Variants in INSC observed in about 807,000 individuals in gnomAD.
The protein encoded by INSC is protein inscuteable homolog.
INSC carries 67 observed loss-of-function variants against 58.6 expected under a neutral mutation model. The ratio of observed to expected loss-of-function variants is 1.14; its 90% CI spans 0.94 to 1.40. The LOEUF (loss-of-function observed/expected upper bound fraction) is 1.40, where lower values mean the gene tolerates loss of function less well. Ranked by LOEUF, INSC falls within the 40% of genes most tolerant of loss-of-function variation. INSC has a pLI of 0.00. For synonymous variants in INSC, 262 were observed against 276.1 expected, an observed-to-expected ratio of 0.95 and a Z score of 0.51; for missense variants, 714 against 692.0, an observed-to-expected ratio of 1.03 and a Z score of -0.36.
rs533847663 is a variant in INSC, at chr11:15,234,177, C to G, written c.1171-1425C>G. 4.6e-5 allele frequency among the ~76,000 whole-genome samples: 7 copies of G among 152,322 alleles called. No individual in the cohort carries two copies. The South Asian group carries it at 1.2e-3, about 27-fold the overall frequency. Reference sequence around the variant, plus strand: ...AGGATAAAGGTTCTGGAGTATTCTCCTGTCCTTCCTCTGGCAACCCACTGT... The same window carrying G: ...AGGATAAAGGTTCTGGAGTATTCTCGTGTCCTTCCTCTGGCAACCCACTGT... On this transcript the variant is annotated intron_variant, in intron 9 of 12. Transcript: ENST00000379556.
At chr11:15,207,372 G>A (rs533130635) in intron 7 of INSC, among the ~76,000 whole-genome samples, 1 of 152,318 alleles carries the variant, frequency 6.6e-6, no homozygotes, top group African/African-American at 2.4e-5. Context: ...GTAGTTTAAT[G>A]AAAATCAATA....
chr11:15,257,214 G>T, the INSC span, among the ~76,000 whole-genome samples: 4 of 152,194 alleles, frequency 2.6e-5, no homozygotes, highest in Admixed American at 6.5e-5. Flanking sequence ...CAAGATGCAC[G>T]TATCCATTAT....
At chr11:15,214,124 C>T (rs1031150207) in intron 7 of INSC, among the ~76,000 whole-genome samples, 3 of 152,154 alleles carry the variant, frequency 2.0e-5, no homozygotes, top group African/African-American at 7.2e-5. Context: ...CTTGTCTTTG[C>T]TTCCTTGGAT....
chr11:15,254,363 G>C, the INSC span, among the ~76,000 whole-genome samples: 2 of 152,174 alleles, frequency 1.3e-5, no homozygotes, highest in Non-Finnish European at 2.9e-5. Context: ...GCTCAGGAAA[G>C]AAAAACAAAT....
At chr11:15,219,654 T>C (rs1187746377) in intron 7 of INSC, among the ~76,000 whole-genome samples, 2 of 152,132 alleles carry the variant, frequency 1.3e-5, no homozygotes, top group East Asian at 3.9e-4. Context: ...CTGGTTTGGG[T>C]CCGACTGGTA....
intron 1 of INSC, among the ~76,000 whole-genome samples, chr11:15,116,570 G>A (rs547747165): frequency 6.6e-6 from 1 of 152,254 alleles, no homozygotes; most frequent in South Asian, 2.1e-4. Context: ...CAGCTGAGTG[G>A]TGGTGTTATT....
At chr11:15,165,224 T>C (rs1469907435) in intron 2 of INSC, among the ~76,000 whole-genome samples, 1 of 152,164 alleles carries the variant, frequency 6.6e-6, no homozygotes, top group Non-Finnish European at 1.5e-5. Flanking sequence ...TGGAAAAATA[T>C]GCGCCACCAC....
chr11:15,213,715 C>T (rs1851112610), intron 7 of INSC, among the ~76,000 whole-genome samples: 1 of 152,200 alleles, frequency 6.6e-6, no homozygotes, highest in Non-Finnish European at 1.5e-5. Flanking sequence ...CACTGACTTG[C>T]CTGCCAAACT....
intron 5 of INSC, among the ~76,000 whole-genome samples, chr11:15,181,339 A>G (rs967825296): frequency 2.6e-5 from 4 of 152,258 alleles, no homozygotes; most frequent in African/African-American, 9.6e-5. Flanking sequence ...CTGGTGTTTT[A>G]GGAAATGCAA....
chr11:15,141,999 A>G (rs1448416139), intron 1 of INSC, among the ~76,000 whole-genome samples: 1 of 152,178 alleles, frequency 6.6e-6, no homozygotes, highest in Non-Finnish European at 1.5e-5. Context: ...CCCTATCACC[A>G]ACAGGACAGA....
intron 7 of INSC, among the ~76,000 whole-genome samples, chr11:15,203,225 G>A (rs984026932): frequency 6.6e-6 from 1 of 152,176 alleles, no homozygotes; most frequent in Admixed American, 6.5e-5. Context: ...ATTACTCTGA[G>A]AGCACTGAAA....
chr11:15,170,249 A>G (rs1849350200), intron 2 of INSC, among the ~76,000 whole-genome samples: 1 of 152,016 alleles, frequency 6.6e-6, no homozygotes. Flanking sequence ...TGGAAAGCTG[A>G]CTGTATTCAG....
At chr11:15,211,824 A>T (rs1589975049) in intron 7 of INSC, among the ~76,000 whole-genome samples, 1 of 151,604 alleles carries the variant, frequency 6.6e-6, no homozygotes, top group East Asian at 1.9e-4. Flanking sequence ...TTTTTTTTTT[A>T]AATAGTGATA....
intron 7 of INSC, among the ~76,000 whole-genome samples, chr11:15,211,375 C>T (rs1851019608): frequency 6.6e-6 from 1 of 152,078 alleles, no homozygotes; most frequent in African/African-American, 2.4e-5. Context: ...AGTCTTTTGC[C>T]CATTTTTAAA....
At chr11:15,119,304 A>G (rs1847810714) in intron 1 of INSC, among the ~76,000 whole-genome samples, 1 of 152,052 alleles carries the variant, frequency 6.6e-6, no homozygotes, top group South Asian at 2.1e-4. Context: ...TCAACCCCCC[A>G]CCAACATGCA....
chr11:15,238,937 G>A lies in INSC; in HGVS notation c.1256G>A (p.Gly419Asp), dbSNP rs376057147. Residue 419 changes from glycine (G) to aspartate (D), a missense_variant, in exon 11 of 13, where the codon GGC becomes GAC. Transcript: ENST00000379556. ...TGCCTAGGGGTCCAGCTTATCATGGGCATGCTGTCTGAAAAACCAAGGTCT... is the reference window on the plus strand; with the variant it reads ...TGCCTAGGGGTCCAGCTTATCATGGACATGCTGTCTGAAAAACCAAGGTCT... Reference protein sequence around the residue: ...IQENGVQLIMGMLSEKPRSGT... With the variant: ...IQENGVQLIMDMLSEKPRSGT... 18 of 1,613,978 alleles carry A rather than the reference G, an allele frequency of 1.1e-5. No homozygotes were observed. The highest frequency in any genetic ancestry group is 1.7e-5 in the Admixed American group (1 of 60,002).
chr11:15,219,984 T>G (rs1180884616), intron 7 of INSC, among the ~76,000 whole-genome samples: 1 of 152,234 alleles, frequency 6.6e-6, no homozygotes, highest in Non-Finnish European at 1.5e-5. Context: ...GTTTGTTCCC[T>G]TTTATTAAGC....
At chr11:15,188,430 C>A in intron 5 of INSC, 1 of 817,942 alleles carries the variant, frequency 1.2e-6, no homozygotes, top group Non-Finnish European at 1.5e-6. Context: ...CTCCCAAGAC[C>A]ACATAGGTAA....
the INSC span, among the ~76,000 whole-genome samples, chr11:15,262,972 A>G: frequency 6.6e-6 from 1 of 152,158 alleles, no homozygotes; most frequent in African/African-American, 2.4e-5. Flanking sequence ...GAGAAATACA[A>G]AGTGAATTCA....
Sources: gnomAD v4.1 joint callset for allele counts (sites outside exome capture counted in the v4.1 genomes callset) on GRCh38, gnomAD v4.1.1 for gene constraint, MANE v1.5 for transcripts, NCBI Gene and HGNC (gene_info 2026-07-23, HGNC 2026-07-21) for gene names.